The following SLCO4A1 variants were observed in gnomAD, a reference collection of about 807,000 sequenced individuals.
SLCO4A1 encodes the protein solute carrier organic anion transporter family member 4A1, also known as colon organic anion transporter.
SLCO4A1 carries 51 observed loss-of-function variants against 64.6 expected under a neutral mutation model. The observed-to-expected ratio is 0.79, with a 90% CI of 0.63 to 1.00. The LOEUF (loss-of-function observed/expected upper bound fraction) is 1.00, where lower values mean the gene tolerates loss of function less well. Ranked by LOEUF, SLCO4A1 falls within the 50% of genes least tolerant of loss-of-function variation. SLCO4A1 has a pLI of 0.00. For synonymous variants in SLCO4A1, 471 were observed against 444.9 expected, an observed-to-expected ratio of 1.06 and a Z score of -0.74; for missense variants, 919 against 980.5, an observed-to-expected ratio of 0.94 and a Z score of 0.84.
intron 3 of SLCO4A1, 107 bp downstream of exon 3, chr20:62,658,874 G>A: frequency 2.1e-6 from 2 of 963,942 alleles, no homozygotes; most frequent in South Asian, 3.0e-5. Flanking sequence ...GCGCGGCGCA[G>A]GTGCTGGGCA....
intron 1 of SLCO4A1, chr20:62,651,473 T>C (rs1982494176): frequency 6.6e-6 from 1 of 152,228 alleles, no homozygotes; most frequent in Non-Finnish European, 1.5e-5. Context: ...AGTGGTGCCA[T>C]GTAATTCTCA....
chr20:62,651,466 G>A (rs1199509317), intron 1 of SLCO4A1: 1 of 152,218 alleles, frequency 6.6e-6, no homozygotes, highest in Non-Finnish European at 1.5e-5. Flanking sequence ...TGAGCTGAGT[G>A]GTGCCATGTA....
At chr20:62,667,045 C>A (rs1387110023) in intron 7 of SLCO4A1, among the ~76,000 whole-genome samples, 1 of 152,170 alleles carries the variant, frequency 6.6e-6, no homozygotes, top group Non-Finnish European at 1.5e-5. Context: ...CCCTGCGGGC[C>A]CCGGGAGTGC....
chr20:62,668,685 C>T, intron 10 of SLCO4A1, 144 bp downstream of exon 10: 1 of 866,920 alleles, frequency 1.2e-6, no homozygotes, highest in South Asian at 1.4e-5. Context: ...CCCTAACTGT[C>T]CACTAGAGGG....
chr20:62,675,375 G>T (rs1356528706), downstream of SLCO4A1, among the ~76,000 whole-genome samples: 2 of 152,140 alleles, frequency 1.3e-5, no homozygotes, highest in East Asian at 1.9e-4. Flanking sequence ...ACCCACGCGG[G>T]CTCTGCCACC....
At chr20:62,672,618 C>G (rs923040367), downstream of SLCO4A1, 2 of 152,246 alleles carry the variant, frequency 1.3e-5, no homozygotes, top group Non-Finnish European at 2.9e-5. Flanking sequence ...CCTCATCTTG[C>G]GTTACATTTC....
At chr20:62,674,393 A>G (rs1335022954), downstream of SLCO4A1, among the ~76,000 whole-genome samples, 1 of 152,184 alleles carries the variant, frequency 6.6e-6, no homozygotes, top group Non-Finnish European at 1.5e-5. Context: ...GCAGATCCAA[A>G]TGGAACCCGG....
chr20:62,677,645 G>A (rs898904374), intron 2 of SLCO4A1, among the ~76,000 whole-genome samples: 5 of 152,348 alleles, frequency 3.3e-5, no homozygotes, highest in South Asian at 4.1e-4. Context: ...TTCCAACAAC[G>A]GCCACAATAT....
At chr20:62,690,234 CAG>C (rs1569160619), downstream of SLCO4A1, among the ~76,000 whole-genome samples, 7 of 152,212 alleles carry the variant, frequency 4.6e-5, no homozygotes. Flanking sequence ...CCCTCTGTCT[CAG>C]GGGCCCACAG....
intron 11 of SLCO4A1, among the ~76,000 whole-genome samples, chr20:62,671,018 C>T (rs867580849): frequency 5.3e-5 from 8 of 152,362 alleles, no homozygotes; most frequent in South Asian, 4.1e-4. Context: ...TGGACCTCAC[C>T]GCCTTTGGGG....
At chr20:62,665,188 G>A in intron 6 of SLCO4A1, 100 bp downstream of exon 6, 1 of 1,334,160 alleles carries the variant, frequency 7.5e-7, no homozygotes. Flanking sequence ...AGGGCACATG[G>A]CAGTGAGTGC....
At chr20:62,646,065 G>T (rs531528487) in intron 1 of SLCO4A1, among the ~76,000 whole-genome samples, 7 of 152,288 alleles carry the variant, frequency 4.6e-5, no homozygotes, top group African/African-American at 1.7e-4. Context: ...TGCCAGGCAG[G>T]TTCCTCATCT....
chr20:62,667,693 G>A lies in SLCO4A1; in HGVS notation c.1473-52G>A, dbSNP rs576187717. 207 of 1,552,542 alleles carry A rather than the reference G, an allele frequency of 1.3e-4. No individual in the cohort carries two copies. In the South Asian group the frequency reaches 1.9e-3, roughly 14 times the overall value. On this transcript the variant is annotated intron_variant, in intron 7 of 11. Transcript: ENST00000217159. Reference sequence around the variant, plus strand: ...ATGGCTGACCCTGTGCCTGCTGGGCGCCAGCATGGCTCTGGCCTGGACCCT... The same window carrying A: ...ATGGCTGACCCTGTGCCTGCTGGGCACCAGCATGGCTCTGGCCTGGACCCT...
At chr20:62,673,437 T>C (rs541716118), downstream of SLCO4A1, among the ~76,000 whole-genome samples, 66 of 143,542 alleles carry the variant, frequency 4.6e-4, 1 homozygote, top group African/African-American at 1.4e-3. Context: ...GGCTCGGGCA[T>C]GCTGGGCAGT....
intron 11 of SLCO4A1, among the ~76,000 whole-genome samples, chr20:62,670,830 C>T (rs73918611): frequency 1.4e-4 from 22 of 152,346 alleles, no homozygotes; most frequent in Admixed American, 2.6e-4. Context: ...TAAACACCCT[C>T]GCATTCCACT....
intron 2 of SLCO4A1, among the ~76,000 whole-genome samples, chr20:62,678,449 T>C (rs1987687894): frequency 6.6e-6 from 1 of 151,826 alleles, no homozygotes; most frequent in South Asian, 2.1e-4. Context: ...AACCTTCTTA[T>C]AACACAGAAA....
In SLCO4A1 at chr20:62,661,642, G is replaced by A. The variant is rs1270678828; in HGVS notation, c.1121+467G>A. 6.9e-6 allele frequency among the ~76,000 whole-genome samples: 1 copy of A among 144,090 alleles called. No individual in the cohort carries two copies. The highest frequency in any genetic ancestry group is 2.6e-5 in the African/African-American group (1 of 38,198). The allele number at this position is 144,090 out of a possible 152,430, so 94.5% of individuals were successfully genotyped here. On this transcript the variant is annotated intron_variant, in intron 5 of 11. Transcript: ENST00000217159. The surrounding 1 kb of genome is among the most constrained non-coding windows in gnomAD (Gnocchi z 5.2). ...AGGTGTCACCTGTGCCGTACCCCCC[G>A]GGCCCTGGGATGCTGCCCCCCCATC...
downstream of SLCO4A1, among the ~76,000 whole-genome samples, chr20:62,675,332 G>C (rs1412803863): frequency 6.6e-6 from 1 of 152,144 alleles, no homozygotes; most frequent in African/African-American, 2.4e-5. Context: ...GGTCCAGGAG[G>C]GCCCCTCCAG....
At chr20:62,648,280 G>A (rs6011369) in intron 1 of SLCO4A1, among the ~76,000 whole-genome samples, 49,392 of 152,206 alleles carry the variant, frequency 0.32, 8,155 homozygotes, top group Non-Finnish European at 0.36. Flanking sequence ...GGTGGTTTGC[G>A]TTTCTCTCGG....
Sources: allele counts gnomAD v4.1 joint callset (sites outside exome capture counted in the v4.1 genomes callset), GRCh38; gene constraint gnomAD v4.1.1; non-coding constraint Gnocchi (gnomAD v3.1); transcripts MANE v1.5; gene names NCBI Gene and HGNC (gene_info 2026-07-23, HGNC 2026-07-21).